RARB: variants seen among roughly 807,000 people sequenced by gnomAD.
The protein encoded by RARB is retinoic acid receptor beta.
RARB carries 17 observed loss-of-function variants against 51.9 expected under a neutral mutation model. The ratio of observed to expected loss-of-function variants is 0.33; its 90% CI spans 0.22 to 0.49. RARB has a LOEUF of 0.49. Among genes scored for constraint, RARB ranks in the 20% least tolerant of loss-of-function variants. The pLI, the probability that RARB is intolerant of heterozygous loss-of-function variation, is 0.99. For missense variants in RARB, 369 were observed against 550.8 expected, an observed-to-expected ratio of 0.67 and a Z score of 3.30; for synonymous variants, 215 against 195.4, an observed-to-expected ratio of 1.10 and a Z score of -0.84.
intron 4 of RARB, among the ~76,000 whole-genome samples, chr3:25,144,719 G>A (rs182844383): frequency 3.3e-5 from 5 of 152,248 alleles, no homozygotes; most frequent in Admixed American, 3.3e-4. Flanking sequence ...ACTTAGCAAT[G>A]GTCTCACATT....
chr3:25,351,956 C>T (rs965228094), intron 5 of RARB, among the ~76,000 whole-genome samples: 2 of 152,168 alleles, frequency 1.3e-5, no homozygotes, highest in East Asian at 1.9e-4. Flanking sequence ...AGATCCTAGG[C>T]CTAGAGATGC....
intron 2 of RARB, among the ~76,000 whole-genome samples, chr3:24,972,526 T>C (rs1408358258): frequency 6.6e-6 from 1 of 151,984 alleles, no homozygotes; most frequent in African/African-American, 2.4e-5. Context: ...TGCTAGTTCA[T>C]GTGGTAGTTA....
chr3:25,178,529 C>A (rs1185934859), intron 5 of RARB, among the ~76,000 whole-genome samples: 4 of 151,790 alleles, frequency 2.6e-5, no homozygotes. Context: ...AAATCCAGAC[C>A]CCGAGACCCC....
chr3:25,105,001 A>T (rs1268619897), intron 3 of RARB, among the ~76,000 whole-genome samples: 1 of 152,202 alleles, frequency 6.6e-6, no homozygotes, highest in African/African-American at 2.4e-5. Context: ...AAATTCATTG[A>T]GCTGTACACG....
At chr3:25,026,319 C>T (rs1697747527) in intron 2 of RARB, among the ~76,000 whole-genome samples, 1 of 152,170 alleles carries the variant, frequency 6.6e-6, no homozygotes, top group African/African-American at 2.4e-5. Flanking sequence ...TTTATTTTCT[C>T]ACAATTTTTC....
chr3:25,021,451 C>G (rs1006611839), intron 2 of RARB, among the ~76,000 whole-genome samples: 2 of 151,844 alleles, frequency 1.3e-5, no homozygotes, highest in African/African-American at 2.4e-5. Context: ...CCTTAAAAGC[C>G]GTAAACTCAC....
chr3:24,926,177 G>A lies in RARB; in HGVS notation c.-380+67425G>A, dbSNP rs548527523. Among the ~76,000 whole-genome samples, 11 of 152,166 alleles carry A rather than the reference G, an allele frequency of 7.2e-5. No homozygotes were observed. In the South Asian group the frequency reaches 2.3e-3, roughly 32 times the overall value. ...GTTTTGTTTGACCAAAGAGAATGAG[G>A]CAAAGCAGTAGGATGTTTGTTAGCA... On this transcript the variant is annotated intron_variant, in intron 2 of 11. Transcript: ENST00000383772.
chr3:25,171,014 T>C (rs998310995), intron 4 of RARB, among the ~76,000 whole-genome samples: 6 of 150,116 alleles, frequency 4.0e-5, no homozygotes, highest in Non-Finnish European at 5.9e-5. Context: ...ATTTTAATCT[T>C]TTTTTTTTCA....
At chr3:25,250,712 C>T (rs532339129) in intron 5 of RARB, among the ~76,000 whole-genome samples, 2 of 152,256 alleles carry the variant, frequency 1.3e-5, no homozygotes, top group Non-Finnish European at 2.9e-5. Context: ...GGGCTGGGCT[C>T]TCAAAGTGGC....
intron 2 of RARB, among the ~76,000 whole-genome samples, chr3:24,947,750 G>C (rs1249283497): frequency 6.6e-6 from 1 of 152,154 alleles, no homozygotes; most frequent in Non-Finnish European, 1.5e-5. Flanking sequence ...CTCAGGTAAG[G>C]ATACCGAGAA....
At chr3:25,057,214 G>A (rs1466950308) in intron 2 of RARB, among the ~76,000 whole-genome samples, 1 of 152,052 alleles carries the variant, frequency 6.6e-6, no homozygotes, top group Admixed American at 6.6e-5. Flanking sequence ...ACCAGCCCGT[G>A]TTGGCAGTCA....
intron 4 of RARB, among the ~76,000 whole-genome samples, chr3:25,576,108 G>T (rs1448219828): frequency 7.1e-6 from 1 of 140,486 alleles, no homozygotes; most frequent in East Asian, 2.6e-4. Context: ...CATGAACACG[G>T]CACAGGGTTT....
intron 5 of RARB, among the ~76,000 whole-genome samples, chr3:25,415,948 A>ATAG: frequency 6.6e-6 from 1 of 152,236 alleles, no homozygotes; most frequent in Non-Finnish European, 1.5e-5. Context: ...GATACATGCC[A>ATAG]GGTAGGGTTA....
At chr3:25,557,060 G>A (rs540602327) in intron 3 of RARB, among the ~76,000 whole-genome samples, 12 of 151,806 alleles carry the variant, frequency 7.9e-5, no homozygotes, top group South Asian at 2.1e-4. Context: ...TCACAATGAC[G>A]TGCTGTTTGG....
intron 2 of RARB, among the ~76,000 whole-genome samples, chr3:24,944,864 G>C (rs1274924212): frequency 6.6e-6 from 1 of 152,184 alleles, no homozygotes; most frequent in Non-Finnish European, 1.5e-5. Flanking sequence ...AGGAAGAGAG[G>C]CAAAGTAGAT....
At chr3:25,573,997 C>A (rs1214783801) in intron 4 of RARB, among the ~76,000 whole-genome samples, 2 of 152,138 alleles carry the variant, frequency 1.3e-5, no homozygotes, top group African/African-American at 4.8e-5. Flanking sequence ...GAGCTAGTAT[C>A]CCTGGGAAGG....
At chr3:25,408,437 T>C (rs767198669) in intron 5 of RARB, among the ~76,000 whole-genome samples, 2 of 151,950 alleles carry the variant, frequency 1.3e-5, no homozygotes, top group African/African-American at 2.4e-5. Flanking sequence ...AACTCTCAGA[T>C]CTCATGAGAA....
chr3:25,150,477 T>TGGTTC (rs1700266406), intron 4 of RARB, among the ~76,000 whole-genome samples: 1 of 151,858 alleles, frequency 6.6e-6, no homozygotes. Flanking sequence ...GGGGAGGGAG[T>TGGTTC]GGTTCATGTA....
chr3:24,909,176 G>A (rs2125377825), intron 2 of RARB, among the ~76,000 whole-genome samples: 1 of 152,296 alleles, frequency 6.6e-6, no homozygotes, highest in East Asian at 1.9e-4. Context: ...GAGGGCCCAA[G>A]TCAGGATTTA....
Sources: gnomAD v4.1 joint callset for allele counts (sites outside exome capture counted in the v4.1 genomes callset) on GRCh38, gnomAD v4.1.1 for gene constraint, MANE v1.5 for transcripts, NCBI Gene and HGNC (gene_info 2026-07-23, HGNC 2026-07-21) for gene names.